Variants in PRH1 observed in about 807,000 individuals in gnomAD.
PRH1 encodes salivary acidic proline-rich phosphoprotein 1/2.
PRH1 carries 7 observed loss-of-function variants against 7.9 expected under a neutral mutation model. The ratio of observed to expected loss-of-function variants is 0.89; its 90% CI spans 0.50 to 1.67. The LOEUF (loss-of-function observed/expected upper bound fraction) is 1.67, where lower values mean the gene tolerates loss of function less well. Among genes scored for constraint, PRH1 ranks in the 40% most tolerant of loss-of-function variants. PRH1 has a pLI of 0.00. For missense variants in PRH1, 109 were observed against 223.6 expected, an observed-to-expected ratio of 0.49 and a Z score of 3.27; for synonymous variants, 45 against 80.8, an observed-to-expected ratio of 0.56 and a Z score of 2.38.
chr12:10,975,780 T>A (rs1441806347), intron 1 of PRH1, among the ~76,000 whole-genome samples: 3 of 149,496 alleles, frequency 2.0e-5, no homozygotes, highest in Non-Finnish European at 3.0e-5. Context: ...CTATTCTAAT[T>A]TCATAAAAAA....
At chr12:10,908,443 C>G in intron 2 of PRH1, 1 of 1,613,794 alleles carries the variant, frequency 6.2e-7, no homozygotes, top group Non-Finnish European at 8.5e-7. Flanking sequence ...CTTAACTTAG[C>G]GTTTCCTAGA....
At chr12:10,947,219 T>C (rs1950501401) in intron 2 of PRH1, among the ~76,000 whole-genome samples, 2 of 152,224 alleles carry the variant, frequency 1.3e-5, no homozygotes, top group South Asian at 2.1e-4. Flanking sequence ...ATACTGTCAG[T>C]GGAGTGTTGA....
chr12:11,117,091 A>G (rs1945752227), downstream of PRH1, among the ~76,000 whole-genome samples: 1 of 152,152 alleles, frequency 6.6e-6, no homozygotes, highest in South Asian at 2.1e-4. Flanking sequence ...CAAGAAAAAT[A>G]AAGAGCATCC....
intron 2 of PRH1, chr12:10,929,401 G>C: frequency 3.8e-6 from 6 of 1,596,944 alleles, no homozygotes; most frequent in Non-Finnish European, 5.2e-6. Flanking sequence ...TGCTATAGAG[G>C]GGGAAAGTGG....
At chr12:10,891,466 G>T (rs549068843) in intron 2 of PRH1, 16 of 152,270 alleles carry the variant, frequency 1.1e-4, no homozygotes, top group African/African-American at 3.9e-4. Context: ...CAACATAATA[G>T]AAGAATATTT....
chr12:11,064,533 G>C (rs1235535462), intron 1 of PRH1, among the ~76,000 whole-genome samples: 2 of 151,864 alleles, frequency 1.3e-5, no homozygotes, highest in Non-Finnish European at 2.9e-5. Flanking sequence ...GAATTACAGG[G>C]TCATTGTGCA....
intron 1 of PRH1, among the ~76,000 whole-genome samples, chr12:11,058,645 T>C (rs1943464237): frequency 6.6e-6 from 1 of 152,292 alleles, no homozygotes; most frequent in South Asian, 2.1e-4. Context: ...CAAACTGCTA[T>C]GGCCACTGAG....
In PRH1 at chr12:10,924,964, C is replaced by G. The variant is rs117180192; in HGVS notation, c.-58-40689G>C. Among the ~76,000 whole-genome samples, 1,224 of 152,202 alleles carry G rather than the reference C, an allele frequency of 8.0e-3. 6 individuals carry two copies. The highest frequency in any genetic ancestry group is 0.014 in the Middle Eastern group (4 of 290). On this transcript the variant is annotated intron_variant, in intron 2 of 3. Coordinates refer to the PRH1 transcript ENST00000539853. ...TTTCAAAAAAACCAACTCCTGGATT[C>G]ATGGATTTCTTGAAGGGTGTTTTGT...
intron 1 of PRH1, among the ~76,000 whole-genome samples, chr12:10,989,333 T>C (rs1229632158): frequency 6.6e-6 from 1 of 152,238 alleles, no homozygotes; most frequent in African/African-American, 2.4e-5. Flanking sequence ...GAATGTGTTG[T>C]AATGATTCAT....
At chr12:11,157,848 T>C (rs1374591826) in intron 1 of PRH1, among the ~76,000 whole-genome samples, 1 of 152,202 alleles carries the variant, frequency 6.6e-6, no homozygotes, top group Admixed American at 6.5e-5. Flanking sequence ...ATGATATTAA[T>C]AGCTAAATGA....
intron 1 of PRH1, among the ~76,000 whole-genome samples, chr12:11,113,472 C>T (rs926324220): frequency 6.6e-6 from 1 of 152,116 alleles, no homozygotes; most frequent in African/African-American, 2.4e-5. Flanking sequence ...GGAATGGATT[C>T]CCTATTTGAT....
At chr12:11,170,999 T>C (rs1367775776) in intron 1 of PRH1, among the ~76,000 whole-genome samples, 1 of 152,240 alleles carries the variant, frequency 6.6e-6, no homozygotes, top group Non-Finnish European at 1.5e-5. Flanking sequence ...CTTTGGCCCT[T>C]ACAAATTTTG....
intron 1 of PRH1, among the ~76,000 whole-genome samples, chr12:11,135,182 T>C (rs551458544): frequency 1.3e-5 from 2 of 152,284 alleles, no homozygotes; most frequent in East Asian, 3.9e-4. Flanking sequence ...ACCAGACCCT[T>C]TGATATATAA....
upstream of PRH1, chr12:11,048,908 T>G: frequency 3.7e-6 from 1 of 272,198 alleles, no homozygotes; most frequent in Non-Finnish European, 7.5e-6. Context: ...TGGAGAAAAA[T>G]AAGGTTGGAG....
chr12:11,143,085 G>A (rs1474075803), intron 1 of PRH1, among the ~76,000 whole-genome samples: 2 of 151,162 alleles, frequency 1.3e-5, no homozygotes, highest in Admixed American at 6.6e-5. Context: ...TGTAAACCTC[G>A]CTAAAGTACA....
At chr12:11,134,500 G>A in intron 1 of PRH1, 1 of 463,488 alleles carries the variant, frequency 2.2e-6, no homozygotes. Context: ...TTCACCATCT[G>A]TTCTTGTTAT....
chr12:10,999,178 C>T (rs1420221666), intron 1 of PRH1, among the ~76,000 whole-genome samples: 1 of 152,022 alleles, frequency 6.6e-6, no homozygotes, highest in African/African-American at 2.4e-5. Context: ...GCAGAAAAAG[C>T]TAAGTGATAT....
intron 2 of PRH1, among the ~76,000 whole-genome samples, chr12:10,907,228 A>G (rs1949817477): frequency 6.6e-6 from 1 of 152,152 alleles, no homozygotes; most frequent in Non-Finnish European, 1.5e-5. Context: ...ATGATTTGAC[A>G]TTTTTACTCA....
intron 1 of PRH1, among the ~76,000 whole-genome samples, chr12:11,110,682 C>G (rs754784929): frequency 3.3e-5 from 5 of 152,128 alleles, no homozygotes; most frequent in Non-Finnish European, 5.9e-5. Flanking sequence ...AAAACCAGTA[C>G]CAGCCACTTC....
Sources: gnomAD v4.1 joint callset for allele counts (sites outside exome capture counted in the v4.1 genomes callset) on GRCh38, gnomAD v4.1.1 for gene constraint, MANE v1.5 for transcripts, NCBI Gene and HGNC (gene_info 2026-07-23, HGNC 2026-07-21) for gene names.